The following AKAP13 variants were observed in gnomAD, a reference collection of about 807,000 sequenced individuals.
The protein encoded by AKAP13 is A-kinase anchoring protein 13.
Under a neutral mutation model 264.5 loss-of-function variants are expected in AKAP13, and 80 were observed. That is an observed-to-expected ratio of 0.30 (90% CI 0.25 to 0.36). The LOEUF (loss-of-function observed/expected upper bound fraction) is 0.36. AKAP13 is among the 10% of genes least tolerant of loss of function. AKAP13 has a pLI of 1.00. For missense variants in AKAP13, 3,712 were observed against 3,435.2 expected (o/e 1.08, Z -2.01); for synonymous variants, 1,380 against 1,250.2 (o/e 1.10, Z -2.19).
intron 4 of AKAP13, among the ~76,000 whole-genome samples, chr15:85,539,898 C>T (rs1011983093): frequency 6.6e-6 from 1 of 152,078 alleles, no homozygotes; most frequent in African/African-American, 2.4e-5. Flanking sequence ...TCTGAGTATG[C>T]TTTCTGTAAG....
At chr15:85,655,302 T>C (rs1045133570) in intron 10 of AKAP13, 115 bp from the exon 11 acceptor site, 22 of 1,354,068 alleles carry the variant, frequency 1.6e-5, no homozygotes, top group Non-Finnish European at 2.2e-5. Flanking sequence ...CTGAGGCCAA[T>C]TATGATCTTA....
intron 1 of AKAP13, among the ~76,000 whole-genome samples, chr15:85,404,001 T>C (rs1021205854): frequency 1.3e-5 from 2 of 152,192 alleles, no homozygotes; most frequent in South Asian, 4.1e-4. Context: ...GAGAGTTGCC[T>C]GGAGCCATAG....
chr15:85,617,540 G>A (rs181876480), intron 8 of AKAP13, among the ~76,000 whole-genome samples: 136 of 152,200 alleles, frequency 8.9e-4, no homozygotes, highest in Admixed American at 1.2e-3. Flanking sequence ...GCGCCCAGCC[G>A]GTAGGAGGGT....
At chr15:85,453,147 T>A (rs1425165071) in intron 1 of AKAP13, among the ~76,000 whole-genome samples, 1 of 152,146 alleles carries the variant, frequency 6.6e-6, no homozygotes, top group Non-Finnish European at 1.5e-5. Flanking sequence ...ATAAAGCACT[T>A]AATGTCTTTG....
At chr15:85,499,537 G>A (rs1169435304) in intron 2 of AKAP13, among the ~76,000 whole-genome samples, 1 of 152,130 alleles carries the variant, frequency 6.6e-6, no homozygotes, top group Non-Finnish European at 1.5e-5. Context: ...CCTAGCCATG[G>A]ATCCCGTGCT....
chr15:85,392,856 C>A (rs192596156), intron 1 of AKAP13, among the ~76,000 whole-genome samples: 99 of 152,312 alleles, frequency 6.5e-4, no homozygotes, highest in African/African-American at 2.3e-3. Context: ...TTGAACTGAG[C>A]ATGAAGTTGT....
intron 8 of AKAP13, among the ~76,000 whole-genome samples, chr15:85,595,273 A>G (rs2079766719): frequency 6.6e-6 from 1 of 151,350 alleles, no homozygotes; most frequent in African/African-American, 2.4e-5. Context: ...CTAATTTTTA[A>G]ATTTTTGTAG....
chr15:85,542,156 G>C (rs1436831574), intron 4 of AKAP13, among the ~76,000 whole-genome samples: 1 of 152,210 alleles, frequency 6.6e-6, no homozygotes, highest in African/African-American at 2.4e-5. Context: ...TCTTTTGTGA[G>C]GATTCTATTT....
chr15:85,530,024 A>G (rs1450516900), intron 3 of AKAP13, among the ~76,000 whole-genome samples: 1 of 152,108 alleles, frequency 6.6e-6, no homozygotes, highest in Non-Finnish European at 1.5e-5. Flanking sequence ...TATTTCTGAC[A>G]TTCTGCCTTC....
At chr15:85,589,593 T>TAAA (rs71468122) in intron 8 of AKAP13, among the ~76,000 whole-genome samples, 2 of 122,468 alleles carry the variant, frequency 1.6e-5, no homozygotes, top group African/African-American at 6.6e-5. Context: ...TTGTCTCCAC[T>TAAA]AAAAAAAAAA....
chr15:85,503,717 C>A (rs1306297747), intron 2 of AKAP13, among the ~76,000 whole-genome samples: 1 of 152,090 alleles, frequency 6.6e-6, no homozygotes, highest in African/African-American at 2.4e-5. Flanking sequence ...GAGGAAGGGG[C>A]CCAGGTTTCT....
At position 85,519,425 on chromosome 15, in the gene AKAP13, C is replaced by A. The variant is rs149617323; in HGVS notation, c.34-2003C>A. On this transcript the variant is annotated intron_variant, in intron 2 of 36. Coordinates refer to ENST00000394518, the MANE Select transcript of AKAP13 (RefSeq NM_007200.5). Reference sequence around the variant, plus strand: ...TGTCAACCTAGTCATAGTTTGTCAACCTGTGCTGCAAAGGATGGAACTTTT... The same window carrying A: ...TGTCAACCTAGTCATAGTTTGTCAAACTGTGCTGCAAAGGATGGAACTTTT... Among the ~76,000 whole-genome samples the A allele has an allele frequency of 3.9e-5, 6 of 152,252 alleles. No individual in the cohort carries two copies. In the East Asian group the frequency reaches 1.2e-3, roughly 29 times the overall value.
intron 34 of AKAP13, 28 bp from the exon 35 acceptor site, chr15:85,741,018 G>A: frequency 6.3e-7 from 1 of 1,578,192 alleles, no homozygotes; most frequent in Non-Finnish European, 8.6e-7. Context: ...GGCCAGAGTT[G>A]CAGGGCTCCC....
intron 4 of AKAP13, chr15:85,536,317 A>T (rs2077395877): frequency 1.3e-5 from 2 of 152,260 alleles, no homozygotes; most frequent in African/African-American, 4.8e-5. Flanking sequence ...CATAATGGCT[A>T]AGATGAAGAA....
intron 1 of AKAP13, among the ~76,000 whole-genome samples, chr15:85,422,011 A>G (rs2072546794): frequency 6.6e-6 from 1 of 152,176 alleles, no homozygotes; most frequent in Admixed American, 6.5e-5. Flanking sequence ...AGCATTCCAA[A>G]GGTCTTTGTT....
At chr15:85,644,882 T>A (rs1448841274) in intron 9 of AKAP13, among the ~76,000 whole-genome samples, 1 of 152,080 alleles carries the variant, frequency 6.6e-6, no homozygotes, top group Non-Finnish European at 1.5e-5. Flanking sequence ...ACAAATCTCT[T>A]TAACCGTGTT....
intron 1 of AKAP13, among the ~76,000 whole-genome samples, chr15:85,456,678 G>A (rs1316770120): frequency 1.3e-5 from 2 of 151,686 alleles, no homozygotes; most frequent in African/African-American, 2.4e-5. Context: ...AGCCTCCCGA[G>A]TAGCTGGGAC....
intron 9 of AKAP13, among the ~76,000 whole-genome samples, chr15:85,644,988 C>T (rs1349714671): frequency 6.6e-6 from 1 of 152,174 alleles, no homozygotes; most frequent in Non-Finnish European, 1.5e-5. Context: ...GACTTGGTGG[C>T]GTGTGCCTGC....
At chr15:85,631,070 C>T (rs1286579042) in intron 8 of AKAP13, among the ~76,000 whole-genome samples, 1 of 151,724 alleles carries the variant, frequency 6.6e-6, no homozygotes, top group East Asian at 1.9e-4. Context: ...TGGATATATC[C>T]ATACAGTAGA....
Sources: allele counts gnomAD v4.1 joint callset (sites outside exome capture counted in the v4.1 genomes callset), GRCh38; gene constraint gnomAD v4.1.1; transcripts MANE v1.5; gene names NCBI Gene and HGNC (gene_info 2026-07-23, HGNC 2026-07-21).